Variants in PARP6 observed in about 807,000 individuals in gnomAD.
The protein encoded by PARP6 is poly(ADP-ribose) polymerase family member 6, also known as protein mono-ADP-ribosyltransferase PARP6.
In PARP6, 27 loss-of-function variants were observed where a neutral mutation model predicts 92.0. That is an observed-to-expected ratio of 0.29 (90% CI 0.22 to 0.40). The LOEUF (loss-of-function observed/expected upper bound fraction) is 0.40. Among genes scored for constraint, PARP6 ranks in the 10% least tolerant of loss-of-function variants. The pLI is 1.00. For missense variants in PARP6, 501 were observed against 784.5 expected (o/e 0.64, Z 4.32); for synonymous variants, 272 against 281.2 (o/e 0.97, Z 0.33).
At chr15:72,259,475 C>T in intron 11 of PARP6, 133 bp downstream of exon 11, 1 of 724,572 alleles carries the variant, frequency 1.4e-6, no homozygotes. Context: ...ACAATGCCTT[C>T]TTTCCTTCTA....
chr15:72,253,621 G>A (rs2084662832), intron 15 of PARP6, 117 bp from the exon 16 acceptor site: 3 of 782,162 alleles, frequency 3.8e-6, no homozygotes, highest in Admixed American at 2.1e-5. Context: ...AGGCCACACA[G>A]AGGAAAAAGG....
At chr15:72,264,427 G>A (rs2086294785) in intron 8 of PARP6, 128 bp downstream of exon 8, 3 of 702,454 alleles carry the variant, frequency 4.3e-6, no homozygotes, top group African/African-American at 3.6e-5. Flanking sequence ...AGCTTTTCCT[G>A]GGCATATTTC....
intron 18 of PARP6, 33 bp from the exon 19 acceptor site, chr15:72,250,125 TG>T (rs1567178464): frequency 1.5e-6 from 2 of 1,370,490 alleles, no homozygotes; most frequent in African/African-American, 2.9e-5. Flanking sequence ...TGTCTCCTTA[TG>T]ATATGAGGTT....
At position 72,250,086 on chromosome 15, in the gene PARP6, G is replaced by A; in HGVS notation, c.1425C>T (p.Ser475=). 6.2e-7 allele frequency: 1 copy of A among 1,606,702 alleles called. No homozygotes were observed. Among genetic ancestry groups the A allele is most frequent in the Non-Finnish European group, 8.5e-7 (1 of 1,173,268 alleles). ...LYGSTFAFHG[S]HIENWHSILR... ...GGATCGAATGCCAGTTCTCAATGTG[G>A]GACCCACTGTAAGGCAGGGTAGAAT... is the stretch of plus-strand genomic sequence containing the variant. The change falls in exon 19 of 24, where the codon TCC becomes TCT. Residue 475 remains serine, a synonymous_variant. Transcript: ENST00000569795.
In PARP6 at chr15:72,254,476, C is replaced by T; in HGVS notation, c.1170G>A (p.Met390Ile). The T allele has an allele frequency of 6.2e-7, 1 of 1,613,322 alleles. No homozygotes were observed. The highest frequency in any genetic ancestry group is 1.7e-4 in the Middle Eastern group (1 of 6,058). The change falls in exon 15 of 24, where the codon ATG becomes ATA. Residue 390 changes from methionine (M) to isoleucine (I), a missense_variant. Coordinates refer to ENST00000569795, the MANE Select transcript of PARP6 (RefSeq NM_001323532.2). The stretch of plus-strand genomic sequence containing the variant: ...ATACCTGGGTCATCTCCCGAATAGA[C>T]ATCACACTATCCAGAGCTTTCTGAA... Reference protein sequence around the residue: ...ERLQKALDSVMSIREMTQGSY... With the variant: ...ERLQKALDSVISIREMTQGSY...
intron 3 of PARP6, 34 bp from the exon 4 acceptor site, chr15:72,266,856 T>C: frequency 6.6e-7 from 1 of 1,509,742 alleles, no homozygotes; most frequent in Non-Finnish European, 9.2e-7. Flanking sequence ...CATGCTTTGT[T>C]AGGTCCCTAT....
chr15:72,265,203 A>G, intron 6 of PARP6, 32 bp from the exon 7 acceptor site: 1 of 1,493,210 alleles, frequency 6.7e-7, no homozygotes, highest in Non-Finnish European at 9.3e-7. Context: ...TTTCCAGTTT[A>G]GCAACATAGA....
At chr15:72,265,710 A>G (rs1361351043) in intron 5 of PARP6, among the ~76,000 whole-genome samples, 187 bp downstream of exon 5, 2 of 152,250 alleles carry the variant, frequency 1.3e-5, no homozygotes, top group Non-Finnish European at 2.9e-5. Context: ...GTCTAGGATA[A>G]GAGGGAATTC....
In PARP6 at chr15:72,264,592, T is replaced by C. The variant is rs746208318; in HGVS notation, c.358A>G (p.Asn120Asp). ...AGACCCAGCCCAAATCCTTCCTTAT[T>C]TGATGGCTGGAAAACCTCAATGGAT... ...EPSIEVFQPSNKEGFGLGLQL... is the reference protein window; with the variant it reads ...EPSIEVFQPSDKEGFGLGLQL... The change falls in exon 8 of 24, where the codon AAT (asparagine) becomes GAT (aspartate). Residue 120 changes from asparagine (N) to aspartate (D), a missense_variant. Physicochemically the swap from Asn to Asp is conservative, Grantham distance 23 (BLOSUM62 1). This residue lies in a region of PARP6 where 291 missense variants were observed against 352.0 expected (regional missense o/e 0.83). Coordinates refer to ENST00000569795, the MANE Select transcript of PARP6 (RefSeq NM_001323532.2). 1.2e-6 allele frequency: 2 copies of C among 1,614,048 alleles called. No homozygotes were observed. The highest frequency in any genetic ancestry group is 1.7e-6 in the Non-Finnish European group (2 of 1,179,932).
At position 72,264,767 on chromosome 15, in the gene PARP6, A is replaced by G. The variant is rs911896885; in HGVS notation, c.329-146T>C. The G allele has an allele frequency of 2.3e-5, 15 of 642,792 alleles. No homozygotes were observed. The African/African-American group carries it at 2.4e-4, about 10-fold the overall frequency. The allele number at this position is 642,792 out of a possible 1,614,324, so 39.8% of individuals were successfully genotyped here. A position where few individuals can be genotyped will look rare whatever the true frequency, so the allele number is the denominator to read the frequency against. On this transcript the variant is annotated intron_variant, in intron 7 of 23. Coordinates refer to ENST00000569795, the MANE Select transcript of PARP6 (RefSeq NM_001323532.2). ...AACGGTGGAAGAAAAAAAACATCTG[A>G]GGGAGAGGGCAGATTCTCGAAGCTG...
At chr15:72,243,066 G>T (rs1033036884) in intron 20 of PARP6, 5 of 218,652 alleles carry the variant, frequency 2.3e-5, no homozygotes, top group Non-Finnish European at 4.5e-5. Flanking sequence ...CAGAAGGCCT[G>T]AAGGAAAGAT....
chr15:72,248,132 TTTAA>T (rs1269672573), intron 20 of PARP6, among the ~76,000 whole-genome samples: 3 of 152,224 alleles, frequency 2.0e-5, no homozygotes, highest in African/African-American at 7.2e-5. Flanking sequence ...CATTATATTA[TTTAA>T]TTGTGTCCTT....
Position 72,260,493 on chromosome 15 carries a change from T to C in PARP6, c.741A>G (p.Ala247=). Residue 247 remains alanine (A), a synonymous_variant, in exon 10 of 24, where the codon GCA becomes GCG. Transcript: ENST00000569795. ...CPQHVGLPPP[A]RTSPLVSGHC... The stretch of plus-strand genomic sequence containing the variant: ...GCCCATGTACCAAAGGAGAGGTCCG[T>C]GCTGGGGGAGGGAGGCCCACGTGCT... 6.2e-7 allele frequency: 1 copy of C among 1,613,898 alleles called. No individual in the cohort carries two copies. The highest frequency in any genetic ancestry group is 1.3e-5 in the African/African-American group (1 of 75,030).
At chr15:72,262,835 CCTGCTGG>C (rs2086079903) in intron 8 of PARP6, among the ~76,000 whole-genome samples, 1 of 152,116 alleles carries the variant, frequency 6.6e-6, no homozygotes, top group African/African-American at 2.4e-5. Flanking sequence ...CTCTGCCTAC[CCTGCTGG>C]TTTCTTTGGG....
intron 18 of PARP6, 46 bp from the exon 19 acceptor site, chr15:72,250,138 C>T (rs767584954): frequency 8.1e-7 from 1 of 1,227,206 alleles, no homozygotes. Flanking sequence ...TATGAGGTTC[C>T]CAGGAACACT....
chr15:72,249,966 A>C (rs2084125882), intron 19 of PARP6, 54 bp downstream of exon 19: 1 of 1,197,894 alleles, frequency 8.3e-7, no homozygotes, highest in Non-Finnish European at 1.2e-6. Context: ...CTTCCACAAA[A>C]CTGAGTAGGG....
At chr15:72,252,484 C>T (rs1011295758) in intron 16 of PARP6, among the ~76,000 whole-genome samples, 4 of 151,762 alleles carry the variant, frequency 2.6e-5, no homozygotes, top group Non-Finnish European at 4.4e-5. Flanking sequence ...GTACACAATA[C>T]ATGTAATTTT....
rs557132452 is a variant in PARP6, at chr15:72,249,976, G to A, written c.1491+44C>T. On this transcript the variant is annotated intron_variant, in intron 19 of 23. Coordinates refer to ENST00000569795, the MANE Select transcript of PARP6 (RefSeq NM_001323532.2). Reference sequence around the variant, plus strand: ...GCAGCCTTCCACAAAACTGAGTAGGGAAGGGAGCGGTTAGAAATAAAGGAG... The same window carrying A: ...GCAGCCTTCCACAAAACTGAGTAGGAAAGGGAGCGGTTAGAAATAAAGGAG... 2.8e-5 allele frequency: 36 copies of A among 1,276,260 alleles called. No homozygotes were observed. In the South Asian group the frequency reaches 3.7e-4, roughly 13 times the overall value. 79.1% of individuals were successfully genotyped at this position (1,276,260 alleles called of 1,614,324 possible).
intron 20 of PARP6, among the ~76,000 whole-genome samples, chr15:72,247,788 T>C (rs1467741446): frequency 2.0e-5 from 3 of 152,186 alleles, no homozygotes; most frequent in Admixed American, 2.0e-4. Context: ...CTTATTACTT[T>C]TTATTTTTTT....
Sources: gnomAD v4.1 joint callset for allele counts (sites outside exome capture counted in the v4.1 genomes callset) on GRCh38, gnomAD v4.1.1 for gene constraint, gnomAD v4.1.1 regional missense constraint, MANE v1.5 for transcripts, NCBI Gene and HGNC (gene_info 2026-07-23, HGNC 2026-07-21) for gene names.